SSU72L1: variants seen among roughly 807,000 people sequenced by gnomAD.
The protein encoded by SSU72L1 is SSU72 like 1, also known as RNA polymerase II subunit A C-terminal domain phosphatase SSU72 like protein 1.
chr11:4,338,843 C>T, the SSU72L1 span: 1 of 751,186 alleles, frequency 1.3e-6, no homozygotes, highest in Non-Finnish European at 2.4e-6. Flanking sequence ...TGATCACGTG[C>T]ACAGGCTGAA....
the SSU72L1 span, chr11:4,338,622 G>A: frequency 8.8e-6 from 5 of 565,696 alleles, no homozygotes; most frequent in East Asian, 1.4e-4. Flanking sequence ...CCATGCCTAA[G>A]TTCTTACTGA....
At chr11:4,338,807 T>TGGCCAAA in the SSU72L1 span, 6 of 751,050 alleles carry the variant, frequency 8.0e-6, no homozygotes, top group Non-Finnish European at 2.4e-6. Context: ...GGGTGGCATC[T>TGGCCAAA]TCCAGGGTAT....
At chr11:4,338,990 C>A in the SSU72L1 span, 2 of 400,196 alleles carry the variant, frequency 5.0e-6, 1 homozygote, top group East Asian at 7.2e-5. Flanking sequence ...CATTTCTTCC[C>A]AAGATGTGTA....
chr11:4,338,448 C>T, the SSU72L1 span, among the ~76,000 whole-genome samples: 2 of 152,260 alleles, frequency 1.3e-5, no homozygotes, highest in Non-Finnish European at 2.9e-5. Flanking sequence ...TAGCACAATG[C>T]CAAGCATTTT....
chr11:4,338,437 C>G, the SSU72L1 span, among the ~76,000 whole-genome samples: 14 of 152,224 alleles, frequency 9.2e-5, no homozygotes, highest in Admixed American at 3.9e-4. Context: ...TGTAATGCAC[C>G]TAGCACAATG....
the SSU72L1 span, chr11:4,338,627 T>C: frequency 4.4e-4 from 251 of 565,364 alleles, 4 homozygotes; most frequent in Non-Finnish European, 7.6e-4. Flanking sequence ...CCTAAGTTCT[T>C]ACTGAGGAAG....
the SSU72L1 span, among the ~76,000 whole-genome samples, chr11:4,338,462 G>A: frequency 3.9e-5 from 6 of 152,236 alleles, no homozygotes; most frequent in East Asian, 1.9e-4. Flanking sequence ...GCATTTTTCA[G>A]TGCTTTTAAA....
At chr11:4,338,508 C>A in the SSU72L1 span, among the ~76,000 whole-genome samples, 3 of 151,066 alleles carry the variant, frequency 2.0e-5, no homozygotes, top group African/African-American at 2.4e-5. Flanking sequence ...AAAATATTTT[C>A]TTGGTAATAG....
At chr11:4,338,660 T>G in the SSU72L1 span, 7 of 595,648 alleles carry the variant, frequency 1.2e-5, no homozygotes, top group Admixed American at 2.5e-5. Context: ...GCCCAGGTGT[T>G]CAGTAGAAGC....
At chr11:4,338,436 C>G in the SSU72L1 span, among the ~76,000 whole-genome samples, 6 of 152,246 alleles carry the variant, frequency 3.9e-5, no homozygotes, top group South Asian at 2.1e-4. Flanking sequence ...ATGTAATGCA[C>G]CTAGCACAAT....
At chr11:4,338,361 G>A in the SSU72L1 span, among the ~76,000 whole-genome samples, 1 of 151,406 alleles carries the variant, frequency 6.6e-6, no homozygotes, top group Non-Finnish European at 1.5e-5. Context: ...TTGCTCATCT[G>A]GAAAATGGCG....
the SSU72L1 span, among the ~76,000 whole-genome samples, chr11:4,338,481 T>C: frequency 6.6e-6 from 1 of 152,068 alleles, no homozygotes; most frequent in Admixed American, 6.5e-5. Flanking sequence ...AAAATGTTAG[T>C]CCTTCTCATT....
At chr11:4,338,337 A>G in the SSU72L1 span, among the ~76,000 whole-genome samples, 2 of 151,104 alleles carry the variant, frequency 1.3e-5, no homozygotes, top group Non-Finnish European at 2.9e-5. Context: ...CCAGCAGTCC[A>G]TTATCAGCTC....
chr11:4,338,913 C>A, the SSU72L1 span: 1 of 591,462 alleles, frequency 1.7e-6, no homozygotes, highest in African/African-American at 2.1e-5. Flanking sequence ...ACTCTCCTCA[C>A]AGGTGAAGAT....
chr11:4,339,328 C>T, the SSU72L1 span: 20 of 528,546 alleles, frequency 3.8e-5, no homozygotes, highest in Non-Finnish European at 6.4e-5. Context: ...CACCTATATC[C>T]AGGTCTTCCA....
chr11:4,338,718 A>G, the SSU72L1 span: 6 of 745,806 alleles, frequency 8.0e-6, no homozygotes, highest in Non-Finnish European at 1.5e-5. Flanking sequence ...CATTTGCAAC[A>G]GCAGCTCTTC....
the SSU72L1 span, among the ~76,000 whole-genome samples, chr11:4,338,389 T>C: frequency 0.017 from 2,125 of 122,596 alleles, no homozygotes; most frequent in African/African-American, 0.05. Context: ...GGGCTAGCTT[T>C]CTTGTAGAAT....
chr11:4,338,707 C>T, the SSU72L1 span: 26 of 734,166 alleles, frequency 3.5e-5, no homozygotes, highest in African/African-American at 4.4e-4. Flanking sequence ...GCCTTCTCCT[C>T]CATTTGCAAC....
the SSU72L1 span, among the ~76,000 whole-genome samples, chr11:4,338,427 T>C: frequency 6.6e-6 from 1 of 152,122 alleles, no homozygotes; most frequent in East Asian, 1.9e-4. Flanking sequence ...AGTTATGCCA[T>C]GTAATGCACC....
Sources: gnomAD v4.1 joint callset for allele counts (sites outside exome capture counted in the v4.1 genomes callset) on GRCh38, gnomAD v4.1.1 for gene constraint, MANE v1.5 for transcripts, NCBI Gene and HGNC (gene_info 2026-07-23, HGNC 2026-07-21) for gene names.